Variants in MIER3 observed in about 807,000 individuals in gnomAD.
MIER3 encodes the protein mesoderm induction early response protein 3.
A neutral mutation model predicts 63.2 loss-of-function variants in MIER3; 9 were observed. The observed-to-expected ratio is 0.14, with a 90% CI of 0.09 to 0.25. The LOEUF (loss-of-function observed/expected upper bound fraction) is 0.25. MIER3 is among the 10% of genes least tolerant of loss of function. The pLI, the probability that MIER3 is intolerant of heterozygous loss-of-function variation, is 1.00. For synonymous variants in MIER3, 205 were observed against 224.9 expected, an observed-to-expected ratio of 0.91 and a Z score of 0.79; for missense variants, 512 against 666.2, an observed-to-expected ratio of 0.77 and a Z score of 2.55.
intron 10 of MIER3, among the ~76,000 whole-genome samples, chr5:56,924,372 C>G (rs1294740111): frequency 6.6e-6 from 1 of 152,158 alleles, no homozygotes; most frequent in Non-Finnish European, 1.5e-5. Context: ...CTTTACTGAG[C>G]TCTGTGATTT....
chr5:56,942,600 GA>G (rs1750683892), intron 3 of MIER3, among the ~76,000 whole-genome samples: 1 of 152,146 alleles, frequency 6.6e-6, no homozygotes, highest in Admixed American at 6.5e-5. Context: ...AGAACACCCA[GA>G]AAAGGCACAC....
chr5:56,944,185 C>T (rs1323099676), intron 3 of MIER3, among the ~76,000 whole-genome samples: 3 of 152,058 alleles, frequency 2.0e-5, no homozygotes, highest in African/African-American at 4.8e-5. Context: ...TAGAAGTCAA[C>T]AGTAGGCTGG....
intron 3 of MIER3, among the ~76,000 whole-genome samples, chr5:56,942,183 A>G (rs1383350098): frequency 6.6e-6 from 1 of 152,230 alleles, no homozygotes; most frequent in Non-Finnish European, 1.5e-5. Flanking sequence ...GATGATATTT[A>G]AAGCCACAGA....
At chr5:56,938,229 T>A in intron 4 of MIER3, 2 of 471,020 alleles carry the variant, frequency 4.2e-6, no homozygotes, top group South Asian at 1.5e-5. Context: ...GTTGAATGAC[T>A]ATGGTCATTA....
chr5:56,943,608 T>G (rs1311722833), intron 3 of MIER3, among the ~76,000 whole-genome samples: 1 of 152,230 alleles, frequency 6.6e-6, no homozygotes, highest in African/African-American at 2.4e-5. Flanking sequence ...GCCAGAGGGC[T>G]GATGCTAAAA....
intron 3 of MIER3, 104 bp downstream of exon 3, chr5:56,946,822 A>G (rs2112148623): frequency 1.1e-6 from 1 of 944,704 alleles, no homozygotes; most frequent in Middle Eastern, 3.4e-4. Context: ...GAGTGAAAAA[A>G]AAAAGGATTA....
intron 1 of MIER3, among the ~76,000 whole-genome samples, chr5:56,951,293 C>A (rs559848610): frequency 3.3e-5 from 5 of 152,100 alleles, no homozygotes; most frequent in African/African-American, 1.2e-4. Flanking sequence ...GTCAGCGCGC[C>A]CCCCGCCCCA....
intron 3 of MIER3, among the ~76,000 whole-genome samples, chr5:56,940,353 A>G (rs969855852): frequency 1.3e-5 from 2 of 152,236 alleles, no homozygotes; most frequent in Non-Finnish European, 2.9e-5. Context: ...ACAACATGAA[A>G]ACACTAAAGC....
chr5:56,941,145 C>T (rs1238456565), intron 3 of MIER3: 2 of 985,262 alleles, frequency 2.0e-6, no homozygotes, highest in Admixed American at 1.2e-4. Context: ...GTGGGAGGAA[C>T]TTAGTGGGAG....
At chr5:56,940,958 T>G (rs1313646782) in intron 3 of MIER3, 4 of 985,190 alleles carry the variant, frequency 4.1e-6, no homozygotes, top group Admixed American at 6.1e-5. Context: ...AACCTCACAG[T>G]TTCACACTCT....
chr5:56,942,159 T>C (rs769175998), intron 3 of MIER3, among the ~76,000 whole-genome samples: 9 of 152,176 alleles, frequency 5.9e-5, no homozygotes, highest in Non-Finnish European at 1.0e-4. Context: ...AAATCTGGCA[T>C]TCATTAGCAT....
At chr5:56,947,215 TA>T in intron 2 of MIER3, 144 bp from the exon 3 acceptor site, 1 of 782,882 alleles carries the variant, frequency 1.3e-6, no homozygotes, top group East Asian at 3.2e-5. Context: ...TTATAGGTTA[TA>T]AATTAAGACC....
In MIER3 at chr5:56,923,120, C is replaced by T; in HGVS notation, c.*8G>A. The T allele has an allele frequency of 6.2e-7, 1 of 1,610,152 alleles. No homozygotes were observed. Among genetic ancestry groups the T allele is most frequent in the Non-Finnish European group, 8.5e-7 (1 of 1,176,846 alleles). ...GCTGCACACGCAGTTCCGGGATCCT[C>T]ACTCAGGTCACTCAGAGTGTAGGGC... On this transcript the variant is annotated 3_prime_UTR_variant, in exon 13 of 13. Coordinates refer to ENST00000381199, the MANE Select transcript of MIER3 (RefSeq NM_001297599.2).
Position 56,930,579 on chromosome 5 carries a change from T to G in MIER3, c.829+85A>C. 7 of 1,090,078 alleles carry G rather than the reference T, an allele frequency of 6.4e-6. No homozygotes were observed. The South Asian group carries it at 7.5e-5, about 12-fold the overall frequency. The allele number at this position is 1,090,078 out of a possible 1,614,324, so 67.5% of individuals were successfully genotyped here. The stretch of plus-strand genomic sequence containing the variant: ...TCTTACAAAAGTGTTACAGGATTGC[T>G]CTGTCCCTTAGGATACTTTGCTTAT... On this transcript the variant is annotated intron_variant, in intron 9 of 12. Transcript: ENST00000381199.
chr5:56,937,589 C>A lies in MIER3; in HGVS notation c.425G>T (p.Arg142Met). Residue 142 changes from arginine to methionine, a missense_variant, in exon 5 of 13, where the codon AGG becomes ATG. Arg to Met is a moderately conservative substitution (Grantham distance 91). Transcript: ENST00000381199. ...ACTGGGTTTCTTACATCGTAAAGGC[C>A]TAGGGAAGAAATCAGAAGTTTCATG... Reference protein sequence around the residue: ...TSHETSDFFPRPLRSNTACDG... With the variant: ...TSHETSDFFPMPLRSNTACDG... The A allele has an allele frequency of 6.2e-7, 1 of 1,608,550 alleles. No homozygotes were observed. Among genetic ancestry groups the A allele is most frequent in the Non-Finnish European group, 8.5e-7 (1 of 1,177,180 alleles).
chr5:56,950,518 A>G (rs960396133), intron 2 of MIER3, 110 bp downstream of exon 2: 3 of 1,169,210 alleles, frequency 2.6e-6, no homozygotes, highest in Middle Eastern at 1.9e-4. Context: ...TTAAAAATCA[A>G]TGAAGAAAAA....
At chr5:56,947,476 C>CGACT in intron 2 of MIER3, among the ~76,000 whole-genome samples, 1 of 152,102 alleles carries the variant, frequency 6.6e-6, no homozygotes, top group Non-Finnish European at 1.5e-5. Context: ...TCACAAGAAT[C>CGACT]GACTATACAC....
chr5:56,944,157 T>G (rs1458424193), intron 3 of MIER3, among the ~76,000 whole-genome samples: 1 of 152,164 alleles, frequency 6.6e-6, no homozygotes, highest in Non-Finnish European at 1.5e-5. Flanking sequence ...CAAGCGTTCC[T>G]CCACCACCTG....
intron 10 of MIER3, among the ~76,000 whole-genome samples, chr5:56,926,832 G>A (rs1750008236): frequency 6.6e-6 from 1 of 152,024 alleles, no homozygotes; most frequent in South Asian, 2.1e-4. Flanking sequence ...TCCTCTAACA[G>A]GTAAGTGAAT....
Sources: allele counts gnomAD v4.1 joint callset (sites outside exome capture counted in the v4.1 genomes callset), GRCh38; gene constraint gnomAD v4.1.1; transcripts MANE v1.5; gene names NCBI Gene and HGNC (gene_info 2026-07-23, HGNC 2026-07-21).